Variants in MRPL42 observed in about 807,000 individuals in gnomAD.
The protein encoded by MRPL42 is large ribosomal subunit protein mL42.
Under a neutral mutation model 17.9 loss-of-function variants are expected in MRPL42, and 17 were observed. That is an observed-to-expected ratio of 0.95 (90% CI 0.65 to 1.42). MRPL42 has a LOEUF of 1.42. MRPL42 is among the 40% of genes most tolerant of loss of function. MRPL42 has a pLI of 0.00. For missense variants in MRPL42, 177 were observed against 175.2 expected (o/e 1.01, Z -0.06); for synonymous variants, 59 against 54.4 (o/e 1.08, Z -0.37).
At position 93,511,704 on chromosome 12, in the gene MRPL42, T is replaced by G. The variant is rs1953726995; in HGVS notation, c.*10483T>G. On this transcript the variant is annotated 3_prime_UTR_variant, in exon 6 of 6. Coordinates refer to ENST00000549982, the MANE Select transcript of MRPL42 (RefSeq NM_014050.4). ...ATAGTAATATGAAGGAAGATTCTCT[T>G]TTTTCCACTTCATTGCCAACAAACA... 6.6e-6 allele frequency: 1 copy of G among 152,208 alleles called. No homozygotes were observed. The highest frequency in any genetic ancestry group is 6.5e-5 in the Admixed American group (1 of 15,276). 9.4% of individuals were successfully genotyped at this position (152,208 alleles called of 1,614,324 possible). A position where few individuals can be genotyped will look rare whatever the true frequency, so the allele number is the denominator to read the frequency against.
intron 2 of MRPL42, among the ~76,000 whole-genome samples, chr12:93,473,385 C>T (rs748520872): frequency 5.9e-5 from 9 of 151,748 alleles, no homozygotes; most frequent in Non-Finnish European, 1.2e-4. Context: ...TCTCAGTCTC[C>T]CAAGTAAGCA....
chr12:93,494,888 A>T (rs1267673995), intron 5 of MRPL42, among the ~76,000 whole-genome samples: 1 of 152,140 alleles, frequency 6.6e-6, no homozygotes, highest in Non-Finnish European at 1.5e-5. Flanking sequence ...ACCGTTACTA[A>T]GGTCGAATTA....
chr12:93,491,873 G>C (rs1274026846), intron 5 of MRPL42, among the ~76,000 whole-genome samples: 1 of 152,142 alleles, frequency 6.6e-6, no homozygotes, highest in Non-Finnish European at 1.5e-5. Flanking sequence ...GTGGTATTTG[G>C]TTTTCTGTTT....
chr12:93,501,845 AATGTTATG>A lies in MRPL42; in HGVS notation c.*630_*637del, dbSNP rs1953599997. On this transcript the variant is annotated 3_prime_UTR_variant, in exon 6 of 6. Coordinates refer to ENST00000549982, the MANE Select transcript of MRPL42 (RefSeq NM_014050.4). The stretch of plus-strand genomic sequence containing the variant: ...ACTCATAAGGTCTACCAAGAAAATA[AATGTTATG>A]ATGTTTCAGTTGGCTTCTAGGAAAT... 8.4e-6 allele frequency: 1 copy of A among 119,554 alleles called. No homozygotes were observed. The highest frequency in any genetic ancestry group is 2.0e-5 in the Non-Finnish European group (1 of 50,566). 7.4% of individuals were successfully genotyped at this position (119,554 alleles called of 1,614,324 possible).
intron 5 of MRPL42, among the ~76,000 whole-genome samples, chr12:93,491,471 G>A (rs1231553124): frequency 6.6e-6 from 1 of 152,104 alleles, no homozygotes; most frequent in Non-Finnish European, 1.5e-5. Flanking sequence ...TCTTATTAAG[G>A]TATAAAACTT....
Position 93,510,338 on chromosome 12 carries a change from C to T in MRPL42, c.*9117C>T, listed in dbSNP as rs1386332322. ...GGGTGTACAACAGTTTATCCATTCA[C>T]CTGCTGAAGGACATCTTGGTTGATT... On this transcript the variant is annotated 3_prime_UTR_variant, in exon 6 of 6. Transcript: ENST00000549982. 2.0e-5 allele frequency: 3 copies of T among 152,142 alleles called. No homozygotes were observed. The highest frequency in any genetic ancestry group is 2.9e-5 in the Non-Finnish European group (2 of 68,006). The allele number at this position is 152,142 out of a possible 1,614,324, so 9.4% of individuals were successfully genotyped here.
At position 93,516,149 on chromosome 12, in the gene MRPL42, C is replaced by G. The variant is rs771766508; in HGVS notation, c.*14928C>G. Reference sequence around the variant, plus strand: ...CTAAACACTCTCATACTGAGACACCCCATGGTTCCCTATGTTGTGTGTTCT... The same window carrying G: ...CTAAACACTCTCATACTGAGACACCGCATGGTTCCCTATGTTGTGTGTTCT... On this transcript the variant is annotated 3_prime_UTR_variant, in exon 6 of 6. Transcript: ENST00000549982. The G allele has an allele frequency of 6.6e-6, 1 of 152,192 alleles. No individual in the cohort carries two copies. Among genetic ancestry groups the G allele is most frequent in the African/African-American group, 2.4e-5 (1 of 41,444 alleles). The allele number at this position is 152,192 out of a possible 1,614,324, so 9.4% of individuals were successfully genotyped here.
At chr12:93,479,560 C>A in intron 4 of MRPL42, 88 bp downstream of exon 4, 1 of 702,608 alleles carries the variant, frequency 1.4e-6, no homozygotes, top group Non-Finnish European at 2.2e-6. Context: ...AGGGAGTCAT[C>A]TGATTTTCTT....
rs1159135474 is a variant in MRPL42, at chr12:93,512,832, T to C, written c.*11611T>C. 6.6e-6 allele frequency: 1 copy of C among 152,234 alleles called. No homozygotes were observed. Among genetic ancestry groups the C allele is most frequent in the Non-Finnish European group, 1.5e-5 (1 of 68,030 alleles). The allele number at this position is 152,234 out of a possible 1,614,324, so 9.4% of individuals were successfully genotyped here. On this transcript the variant is annotated 3_prime_UTR_variant, in exon 6 of 6. Transcript: ENST00000549982. ...AATTCATAGATCTGGAATCCATTTA[T>C]GTCATCAAAAGAGGATTTAAATTTA...
At chr12:93,473,650 C>T (rs1405461227) in intron 2 of MRPL42, among the ~76,000 whole-genome samples, 9 of 151,986 alleles carry the variant, frequency 5.9e-5, no homozygotes, top group Admixed American at 1.3e-4. Flanking sequence ...AGGCTGGTCT[C>T]GATCTCCTGA....
At chr12:93,468,537 A>G (rs1879749146) in intron 1 of MRPL42, among the ~76,000 whole-genome samples, 1 of 152,210 alleles carries the variant, frequency 6.6e-6, no homozygotes, top group African/African-American at 2.4e-5. Context: ...TAGTTTCTTC[A>G]TGAATCAGAA....
At position 93,479,387 on chromosome 12, in the gene MRPL42, G is replaced by A; in HGVS notation, c.135-1G>A. ...TATTTCTAAAACATTCTTTTTTTTA[G>A]CAACGTAGAGCTTGCTCTGACTTCT... On this transcript the variant is annotated splice_acceptor_variant, in intron 3 of 5. Coordinates refer to ENST00000549982, the MANE Select transcript of MRPL42 (RefSeq NM_014050.4). LOFTEE classifies it high-confidence loss of function. 6.3e-7 allele frequency: 1 copy of A among 1,594,214 alleles called. No individual in the cohort carries two copies. Among genetic ancestry groups the A allele is most frequent in the Non-Finnish European group, 8.5e-7 (1 of 1,171,094 alleles).
At position 93,504,514 on chromosome 12, in the gene MRPL42, C is replaced by A. The variant is rs938152667; in HGVS notation, c.*3293C>A. On this transcript the variant is annotated 3_prime_UTR_variant, in exon 6 of 6. Transcript: ENST00000549982. ...TAGTTCTATTAAAATTTTAAAAAAT[C>A]TTTATCAATTTAGTAGGCAAAGACT... is the stretch of plus-strand genomic sequence containing the variant. 3.9e-5 allele frequency: 6 copies of A among 152,308 alleles called. No individual in the cohort carries two copies. Among genetic ancestry groups the A allele is most frequent in the Admixed American group, 1.3e-4 (2 of 15,292 alleles). 9.4% of individuals were successfully genotyped at this position (152,308 alleles called of 1,614,324 possible).
At chr12:93,482,716 G>A (rs1880517901) in intron 4 of MRPL42, among the ~76,000 whole-genome samples, 1 of 152,060 alleles carries the variant, frequency 6.6e-6, no homozygotes. Flanking sequence ...CTCATGAGTA[G>A]CTTGGACTAT....
intron 5 of MRPL42, among the ~76,000 whole-genome samples, chr12:93,491,501 G>A (rs958330506): frequency 1.3e-5 from 2 of 152,116 alleles, no homozygotes; most frequent in East Asian, 3.8e-4. Flanking sequence ...AGTGCTATAT[G>A]AGCTATATGC....
chr12:93,504,756 G>A lies in MRPL42; in HGVS notation c.*3535G>A, dbSNP rs775871372. ...TAACTTCTTTAGATTCTGTTGTTACGTGCAACACTGTATATCTCTCCATAG... is the reference window on the plus strand; with the variant it reads ...TAACTTCTTTAGATTCTGTTGTTACATGCAACACTGTATATCTCTCCATAG... On this transcript the variant is annotated 3_prime_UTR_variant, in exon 6 of 6. Coordinates refer to ENST00000549982, the MANE Select transcript of MRPL42 (RefSeq NM_014050.4). The A allele has an allele frequency of 2.6e-5, 4 of 151,914 alleles. No homozygotes were observed. Among genetic ancestry groups the A allele is most frequent in the Admixed American group, 6.6e-5 (1 of 15,246 alleles). The allele number at this position is 151,914 out of a possible 1,614,324, so 9.4% of individuals were successfully genotyped here.
intron 2 of MRPL42, chr12:93,470,353 T>G (rs1280814638): frequency 7.5e-6 from 6 of 798,488 alleles, no homozygotes; most frequent in Non-Finnish European, 9.7e-6. Context: ...TAAACAGAGT[T>G]TATAGCTCTT....
chr12:93,495,570 A>G (rs1237409828), intron 5 of MRPL42, among the ~76,000 whole-genome samples: 3 of 152,184 alleles, frequency 2.0e-5, no homozygotes, highest in Non-Finnish European at 4.4e-5. Context: ...CAGACATGAG[A>G]TAATCTAATC....
intron 5 of MRPL42, among the ~76,000 whole-genome samples, chr12:93,489,021 T>A (rs1953363507): frequency 6.6e-6 from 1 of 152,144 alleles, no homozygotes; most frequent in Non-Finnish European, 1.5e-5. Flanking sequence ...CTTAGTTGTT[T>A]AACTCAGTAA....
Sources: allele counts gnomAD v4.1 joint callset (sites outside exome capture counted in the v4.1 genomes callset), GRCh38; gene constraint gnomAD v4.1.1; transcripts MANE v1.5; gene names NCBI Gene and HGNC (gene_info 2026-07-23, HGNC 2026-07-21).